Variants in AIFM1 observed in about 807,000 individuals in gnomAD.
AIFM1 encodes the protein apoptosis-inducing factor 1, mitochondrial.
Under a neutral mutation model 51.7 loss-of-function variants are expected in AIFM1, and 3 were observed. That is an observed-to-expected ratio of 0.06 (90% CI 0.03 to 0.15). The LOEUF is 0.15. Ranked by LOEUF, AIFM1 falls within the 10% of genes least tolerant of loss-of-function variation. AIFM1 has a pLI of 1.00. For missense variants in AIFM1, 330 were observed against 476.8 expected (o/e 0.69, Z 2.87); for synonymous variants, 178 against 179.4 (o/e 0.99, Z 0.06).
At chrX:130,154,872 C>A (rs762323560) in intron 2 of AIFM1, among the ~76,000 whole-genome samples, 1 of 112,270 alleles carries the variant, frequency 8.9e-6, no homozygotes, top group Non-Finnish European at 1.9e-5. Flanking sequence ...AATTTGGTAT[C>A]ATACAAAATC....
intron 1 of AIFM1, among the ~76,000 whole-genome samples, chrX:130,162,752 A>C (rs1338652976): frequency 9.0e-6 from 1 of 111,687 alleles, no homozygotes; most frequent in African/African-American, 3.3e-5. Context: ...ATTTGAACCT[A>C]AAGTCAGGGA....
chrX:130,160,721 T>C (rs1394616219), intron 1 of AIFM1, among the ~76,000 whole-genome samples: 23 of 110,829 alleles, frequency 2.1e-4, no homozygotes, highest in African/African-American at 9.9e-5. Context: ...CCCGGATAAC[T>C]GAACATTTTA....
At chrX:130,138,332 A>G (rs1165196555) in intron 9 of AIFM1, among the ~76,000 whole-genome samples, 7 of 110,230 alleles carry the variant, frequency 6.4e-5, no homozygotes, top group Non-Finnish European at 9.5e-5. Context: ...AGGCGTGGTT[A>G]CAGGCGCCTG....
chrX:130,152,026 G>A (rs1470526333), intron 2 of AIFM1, among the ~76,000 whole-genome samples: 2 of 108,809 alleles, frequency 1.8e-5, no homozygotes, highest in East Asian at 2.8e-4. Context: ...GCGACAGAGC[G>A]AGACTCTGTC....
chrX:130,141,839 C>G (rs2030588672), intron 6 of AIFM1, among the ~76,000 whole-genome samples: 1 of 112,097 alleles, frequency 8.9e-6, no homozygotes, highest in African/African-American at 3.2e-5. Context: ...TCCATCCCTT[C>G]AGCTTTCGCT....
intron 6 of AIFM1, among the ~76,000 whole-genome samples, chrX:130,142,762 C>T (rs1197313726): frequency 2.7e-5 from 3 of 111,447 alleles, no homozygotes; most frequent in Non-Finnish European, 3.8e-5. Context: ...TCTCGTGCTT[C>T]AGCCTCCTGA....
chrX:130,153,098 C>T (rs372815273), intron 2 of AIFM1, among the ~76,000 whole-genome samples: 152 of 105,662 alleles, frequency 1.4e-3, no homozygotes, highest in African/African-American at 4.9e-3. Flanking sequence ...TTTGGGAGGC[C>T]GAGGCGGGTG....
intron 2 of AIFM1, chrX:130,155,126 C>T: frequency 4.1e-6 from 5 of 1,209,535 alleles, no homozygotes; most frequent in Non-Finnish European, 5.6e-6. Context: ...CCACCCTACC[C>T]CAAAATATGT....
At chrX:130,139,973 C>T (rs1340285246) in intron 7 of AIFM1, 102 bp from the exon 8 acceptor site, 6 of 712,862 alleles carry the variant, frequency 8.4e-6, no homozygotes, top group Non-Finnish European at 1.3e-5. Context: ...CACTTAGCAC[C>T]ATGGCGGCAA....
chrX:130,132,754 T>C lies in AIFM1; in HGVS notation c.1448+559A>G, dbSNP rs937722987. Among the ~76,000 whole-genome samples the C allele has an allele frequency of 2.9e-5, 3 of 102,573 alleles. No individual in the cohort carries two copies. The East Asian group carries it at 9.0e-4, about 31-fold the overall frequency. 89.1% of individuals were successfully genotyped at this position (102,573 alleles called of 115,157 possible). ...CTTTCTGACACTCCTTTTTTTTTTT[T>C]TTTTTTTTTTGAGACGGAGTCTCGC... On this transcript the variant is annotated intron_variant, in intron 13 of 15. Transcript: ENST00000287295.
At position 130,139,332 on chromosome X, in the gene AIFM1, G is replaced by GA. The variant is rs1178707079; in HGVS notation, c.858+462dup. Among the ~76,000 whole-genome samples, 432 of 93,944 alleles carry GA rather than the reference G, an allele frequency of 4.6e-3. 3 individuals carry two copies. Among genetic ancestry groups the GA allele is most frequent in the African/African-American group, 0.013 (338 of 25,937 alleles). 81.6% of individuals were successfully genotyped at this position (93,944 alleles called of 115,157 possible). On this transcript the variant is annotated intron_variant, in intron 8 of 15. Coordinates refer to ENST00000287295, the MANE Select transcript of AIFM1 (RefSeq NM_004208.4). The stretch of plus-strand genomic sequence containing the variant: ...GGGTGATAGAGCGAGATTCAGTCTC[G>GA]AAAAAAAAAAAAAGACAGGACAAAT...
chrX:130,143,913 G>T (rs176708), intron 6 of AIFM1, among the ~76,000 whole-genome samples: 53,974 of 109,968 alleles, frequency 0.49, 10,291 homozygotes, highest in African/African-American at 0.69. Flanking sequence ...AATCAGAATA[G>T]CTGGGTTCCA....
intron 13 of AIFM1, 126 bp downstream of exon 13, chrX:130,133,187 G>C (rs1369089724): frequency 2.2e-6 from 2 of 891,290 alleles, no homozygotes; most frequent in Admixed American, 2.2e-5. Context: ...GTGGACATAA[G>C]ATGGACTTTT....
At chrX:130,149,642 A>G in intron 2 of AIFM1, 74 bp from the exon 3 acceptor site, 1 of 750,749 alleles carries the variant, frequency 1.3e-6, no homozygotes. Context: ...TTATCTTTCA[A>G]TTAAATGAGA....
At chrX:130,162,609 A>C (rs1191776747) in intron 1 of AIFM1, among the ~76,000 whole-genome samples, 2 of 112,412 alleles carry the variant, frequency 1.8e-5, no homozygotes, top group African/African-American at 3.2e-5. Context: ...CAACGGGGGA[A>C]GACTCATCTT....
In AIFM1 at chrX:130,165,604, G is replaced by T; in HGVS notation, c.53C>A (p.Pro18His). ...AAGALKQKLV[P>H]LVRTVCVRSP... ...TCGGACGCACACGGTCCGCACCAAG[G>T]GCACCAGCTTCTGCTTCAAAGCACC... is the stretch of plus-strand genomic sequence containing the variant. The change falls in exon 1 of 16, where the codon CCC (proline) becomes CAC (histidine). Residue 18 changes from proline (P) to histidine (H), a missense_variant. By Grantham distance (77) the Pro-to-His change is moderately conservative (BLOSUM62 -2). Transcript: ENST00000287295. The T allele has an allele frequency of 8.3e-7, 1 of 1,203,738 alleles. No individual in the cohort carries two copies. The highest frequency in any genetic ancestry group is 1.1e-6 in the Non-Finnish European group (1 of 891,301).
rs1342712894 is a variant in AIFM1, at chrX:130,146,469, G to A, written c.606-900C>T. Among the ~76,000 whole-genome samples, 3 of 107,678 alleles carry A rather than the reference G, an allele frequency of 2.8e-5. No individual in the cohort carries two copies. The Admixed American group carries it at 3.1e-4, about 11-fold the overall frequency. 93.5% of individuals were successfully genotyped at this position (107,678 alleles called of 115,157 possible). A position where few individuals can be genotyped will look rare whatever the true frequency, so the allele number is the denominator to read the frequency against. On this transcript the variant is annotated intron_variant, in intron 5 of 15. Transcript: ENST00000287295. ...TCAAAATATGTGTGTGTGTGTGTGT[G>A]TGTGTGTGTGTGTGTGTGTGTGTAT...
At chrX:130,154,440 T>C (rs1482742293) in intron 2 of AIFM1, among the ~76,000 whole-genome samples, 4 of 112,215 alleles carry the variant, frequency 3.6e-5, no homozygotes, top group Non-Finnish European at 5.6e-5. Flanking sequence ...ATGGGAAAAG[T>C]TGAGAGATAT....
chrX:130,140,480 TA>T (rs2030536569), intron 7 of AIFM1, 52 bp downstream of exon 7: 7 of 1,066,852 alleles, frequency 6.6e-6, no homozygotes, highest in Non-Finnish European at 9.2e-6. Context: ...GGCTGGACTC[TA>T]AAACTTGAAT....
Sources: allele counts gnomAD v4.1 joint callset (sites outside exome capture counted in the v4.1 genomes callset), GRCh38; gene constraint gnomAD v4.1.1; transcripts MANE v1.5; gene names NCBI Gene and HGNC (gene_info 2026-07-23, HGNC 2026-07-21).